The following LIFR variants were observed in gnomAD, a reference collection of about 807,000 sequenced individuals.
LIFR encodes the protein leukemia inhibitory factor receptor.
Under a neutral mutation model 122.2 loss-of-function variants are expected in LIFR, and 84 were observed. The ratio of observed to expected loss-of-function variants is 0.69; its 90% CI spans 0.58 to 0.82. The LOEUF is 0.82. LIFR is among the 40% of genes least tolerant of loss of function. The pLI is 0.00. For missense variants in LIFR, 1,294 were observed against 1,311.6 expected, an observed-to-expected ratio of 0.99 and a Z score of 0.21; for synonymous variants, 422 against 434.7, an observed-to-expected ratio of 0.97 and a Z score of 0.36.
chr5:38,526,935 G>A (rs1334664878), intron 4 of LIFR, among the ~76,000 whole-genome samples: 2 of 152,130 alleles, frequency 1.3e-5, no homozygotes, highest in Admixed American at 1.3e-4. Flanking sequence ...AAAGAGTATG[G>A]AACTGAGGGA....
Position 38,485,813 on chromosome 5 carries a change from A to T in LIFR, c.2497+6T>A, listed in dbSNP as rs747827910. 3 of 1,613,980 alleles carry T rather than the reference A, an allele frequency of 1.9e-6. No homozygotes were observed. The highest frequency in any genetic ancestry group is 2.5e-6 in the Non-Finnish European group (3 of 1,179,922). On this transcript the variant is annotated splice_donor_region_variant and intron_variant, in intron 17 of 19. Transcript: ENST00000453190. ...GAAAGCACCTCAACAGCAACCTGAA[A>T]CTTACAATTTTCCTTTGTCACCACA...
chr5:38,488,960 C>A, intron 16 of LIFR, 118 bp downstream of exon 16: 1 of 785,850 alleles, frequency 1.3e-6, no homozygotes, highest in Non-Finnish European at 2.1e-6. Flanking sequence ...ATTTCTCTAT[C>A]TTTCAGATAG....
intron 5 of LIFR, among the ~76,000 whole-genome samples, chr5:38,513,745 T>A (rs1419456685): frequency 2.0e-5 from 3 of 152,044 alleles, no homozygotes; most frequent in South Asian, 4.1e-4. Flanking sequence ...CCCATCCTCA[T>A]CACTCTAGAG....
intron 11 of LIFR, 43 bp from the exon 12 acceptor site, chr5:38,499,626 A>T: frequency 7.6e-7 from 1 of 1,310,598 alleles, no homozygotes; most frequent in South Asian, 1.2e-5. Context: ...GACACATACT[A>T]TATGTATATG....
chr5:38,595,809 T>A (rs1409970296), upstream of LIFR, among the ~76,000 whole-genome samples: 1 of 142,864 alleles, frequency 7.0e-6, no homozygotes, highest in Non-Finnish European at 1.5e-5. Flanking sequence ...CTCGGCTCAC[T>A]GCAAGCTCCG....
chr5:38,561,366 G>A (rs868351303), upstream of LIFR, among the ~76,000 whole-genome samples: 1 of 152,158 alleles, frequency 6.6e-6, no homozygotes. Flanking sequence ...AGCCTTTGAA[G>A]TGAAGCCAAT....
In LIFR at chr5:38,485,866, C is replaced by A; in HGVS notation, c.2450G>T (p.Gly817Val). 6.2e-7 allele frequency: 1 copy of A among 1,614,184 alleles called. No homozygotes were observed. The highest frequency in any genetic ancestry group is 2.2e-5 in the East Asian group (1 of 44,886). ...CATACTCTTCTCCGGGCCCACTCCA[C>A]CATCTGTATAGGCTCGCAAGACCAG... is the stretch of plus-strand genomic sequence containing the variant. ...YHLVLRAYTD[G>V]GVGPEKSMYV... Residue 817 changes from glycine to valine, a missense_variant, in exon 17 of 20, where the codon GGT (glycine) becomes GTT (valine). Physicochemically the swap from Gly to Val is moderately radical, Grantham distance 109. Coordinates refer to ENST00000453190, the MANE Select transcript of LIFR (RefSeq NM_001127671.2).
Position 38,476,509 on chromosome 5 carries a change from T to C in LIFR, c.*5086A>G, listed in dbSNP as rs1269493782. 2 of 206,718 alleles carry C rather than the reference T, an allele frequency of 9.7e-6. No individual in the cohort carries two copies. Among genetic ancestry groups the C allele is most frequent in the African/African-American group, 4.6e-5 (2 of 43,460 alleles). 12.8% of individuals were successfully genotyped at this position (206,718 alleles called of 1,614,324 possible). A position where few individuals can be genotyped will look rare whatever the true frequency, so the allele number is the denominator to read the frequency against. On this transcript the variant is annotated 3_prime_UTR_variant, in exon 20 of 20. Transcript: ENST00000453190. Reference sequence around the variant, plus strand: ...TTAGTCTTAAGGGCAACACATAGGATCTATGTTGTTAGCTTTTTTTTTTTT... The same window carrying C: ...TTAGTCTTAAGGGCAACACATAGGACCTATGTTGTTAGCTTTTTTTTTTTT...
chr5:38,489,101 G>C lies in LIFR; in HGVS notation c.2312C>G (p.Ser771Cys). 6.2e-7 allele frequency: 1 copy of C among 1,612,904 alleles called. No individual in the cohort carries two copies. The highest frequency in any genetic ancestry group is 2.2e-5 in the East Asian group (1 of 44,764). The change falls in exon 16 of 20, where the codon TCT (serine) becomes TGT (cysteine). Residue 771 changes from serine (S) to cysteine (C), a missense_variant. Physicochemically the swap from Ser to Cys is moderately radical, Grantham distance 112. Transcript: ENST00000453190. ...FYFGKGERDT[S>C]KMRVLESGRS... The stretch of plus-strand genomic sequence containing the variant: ...ACCTGATTCTAAAACCCTCATCTTA[G>C]ATGTGTCTCTTTCTCCTTTTCCAAA...
chr5:38,539,485 T>C (rs1429773368), intron 1 of LIFR, among the ~76,000 whole-genome samples: 3 of 152,188 alleles, frequency 2.0e-5, no homozygotes, highest in Non-Finnish European at 2.9e-5. Flanking sequence ...AAGATTTATT[T>C]GGTGACTGAA....
At chr5:38,578,369 G>C (rs2112732912) in intron 1 of LIFR, among the ~76,000 whole-genome samples, 1 of 151,472 alleles carries the variant, frequency 6.6e-6, no homozygotes, top group East Asian at 1.9e-4. Context: ...ACCACACCCA[G>C]CTAATTTTGT....
chr5:38,602,488 C>G (rs1750239502), intron 2 of LIFR, among the ~76,000 whole-genome samples: 1 of 151,988 alleles, frequency 6.6e-6, no homozygotes, highest in Admixed American at 6.6e-5. Context: ...TCTTTGAGGC[C>G]TTCTCTTTTC....
In LIFR at chr5:38,523,576, AT is replaced by A; in HGVS notation, c.403del (p.Ile135PhefsTer8). On this transcript the variant is annotated frameshift_variant, in exon 5 of 20. Transcript: ENST00000453190. LOFTEE classifies it high-confidence loss of function. ...ATTCAAGATCTCTGGAGTATCTGGAATTAAGGCTTTAAAAAGAGGAAACAAA... is the reference window on the plus strand; with the variant it reads ...ATTCAAGATCTCTGGAGTATCTGGAATAAGGCTTTAAAAAGAGGAAACAAA... ...FTLNEQNVSL[I>X]PDTPEILNLS... is the part of the protein sequence containing the mutation. The A allele has an allele frequency of 6.2e-7, 1 of 1,612,244 alleles. No individual in the cohort carries two copies. Among genetic ancestry groups the A allele is most frequent in the Non-Finnish European group, 8.5e-7 (1 of 1,178,428 alleles).
chr5:38,479,570 C>T lies in LIFR; in HGVS notation c.*2025G>A, dbSNP rs1440733249. 7 of 231,062 alleles carry T rather than the reference C, an allele frequency of 3.0e-5. No individual in the cohort carries two copies. The highest frequency in any genetic ancestry group is 1.3e-3 in the Middle Eastern group (1 of 774). The allele number at this position is 231,062 out of a possible 1,614,324, so 14.3% of individuals were successfully genotyped here. A position where few individuals can be genotyped will look rare whatever the true frequency, so the allele number is the denominator to read the frequency against. The stretch of plus-strand genomic sequence containing the variant: ...GCCTTTTCTCATTATCTCAGGTTAG[C>T]GCCGTTTAGAGCAATAAACTTTTAC... On this transcript the variant is annotated 3_prime_UTR_variant, in exon 20 of 20. Coordinates refer to ENST00000453190, the MANE Select transcript of LIFR (RefSeq NM_001127671.2).
intron 2 of LIFR, among the ~76,000 whole-genome samples, chr5:38,530,108 T>C (rs1040784594): frequency 6.6e-6 from 1 of 152,140 alleles, no homozygotes; most frequent in Non-Finnish European, 1.5e-5. Flanking sequence ...GAAAACAGTG[T>C]CTATGGAGAC....
chr5:38,484,217 T>C (rs1436753693), intron 18 of LIFR, among the ~76,000 whole-genome samples: 2 of 152,230 alleles, frequency 1.3e-5, no homozygotes, highest in Non-Finnish European at 2.9e-5. Context: ...TCAGGGTACC[T>C]GGTTCAGTCT....
At chr5:38,486,936 T>C (rs1242059214) in intron 16 of LIFR, among the ~76,000 whole-genome samples, 2 of 152,244 alleles carry the variant, frequency 1.3e-5, no homozygotes, top group Non-Finnish European at 2.9e-5. Context: ...TCATGTTTCC[T>C]ATCTTGTTTT....
chr5:38,594,165 G>A (rs1202784871), intron 1 of LIFR, among the ~76,000 whole-genome samples: 1 of 152,154 alleles, frequency 6.6e-6, no homozygotes, highest in Admixed American at 6.5e-5. Context: ...CTGGGCAGAA[G>A]CATCCTGTGG....
At chr5:38,490,984 G>A (rs1744561242) in intron 14 of LIFR, among the ~76,000 whole-genome samples, 1 of 152,048 alleles carries the variant, frequency 6.6e-6, no homozygotes, top group African/African-American at 2.4e-5. Context: ...CTTACCTAGT[G>A]TTATTTCTGA....
Sources: gnomAD v4.1 joint callset for allele counts (sites outside exome capture counted in the v4.1 genomes callset) on GRCh38, gnomAD v4.1.1 for gene constraint, MANE v1.5 for transcripts, NCBI Gene and HGNC (gene_info 2026-07-23, HGNC 2026-07-21) for gene names.